The following PDE4D variants were observed in gnomAD, a reference collection of about 807,000 sequenced individuals.
PDE4D encodes the protein phosphodiesterase 4D.
In PDE4D, 24 loss-of-function variants were observed where a neutral mutation model predicts 87.4. The observed-to-expected ratio is 0.27, with a 90% CI of 0.20 to 0.39. The LOEUF (loss-of-function observed/expected upper bound fraction) is 0.39. Ranked by LOEUF, PDE4D falls within the 10% of genes least tolerant of loss-of-function variation. PDE4D has a pLI of 1.00. For synonymous variants in PDE4D, 384 were observed against 383.2 expected, an observed-to-expected ratio of 1.00 and a Z score of -0.02; for missense variants, 714 against 1,041.0, an observed-to-expected ratio of 0.69 and a Z score of 4.32.
At chr5:59,874,536 G>GT (rs1161653634) in intron 1 of PDE4D, among the ~76,000 whole-genome samples, 2 of 151,808 alleles carry the variant, frequency 1.3e-5, no homozygotes, top group African/African-American at 4.8e-5. Context: ...ATAGACCTGT[G>GT]TTTCTTTACT....
intron 2 of PDE4D, among the ~76,000 whole-genome samples, chr5:60,047,010 G>T (rs958431509): frequency 1.3e-5 from 2 of 152,086 alleles, no homozygotes; most frequent in African/African-American, 2.4e-5. Context: ...ACTCTTTTTG[G>T]TTGGTAAGCT....
intron 1 of PDE4D, among the ~76,000 whole-genome samples, chr5:59,529,445 G>C (rs541392634): frequency 3.9e-5 from 6 of 152,244 alleles, no homozygotes; most frequent in African/African-American, 1.4e-4. Flanking sequence ...CAATGACACA[G>C]AGCCAGCCAA....
At chr5:59,091,367 A>G (rs1768700321) in intron 5 of PDE4D, among the ~76,000 whole-genome samples, 1 of 151,564 alleles carries the variant, frequency 6.6e-6, no homozygotes, top group Admixed American at 6.6e-5. Flanking sequence ...ATATTTCCAA[A>G]CTGGATATGT....
chr5:59,277,882 C>T (rs1035424913), intron 1 of PDE4D, among the ~76,000 whole-genome samples: 3 of 152,142 alleles, frequency 2.0e-5, no homozygotes, highest in South Asian at 2.1e-4. Flanking sequence ...GAAAACCTAA[C>T]ACACTTATTG....
chr5:59,025,925 A>C (rs1190364528), intron 6 of PDE4D, among the ~76,000 whole-genome samples: 1 of 152,220 alleles, frequency 6.6e-6, no homozygotes, highest in South Asian at 2.1e-4. Flanking sequence ...ACTGCTTGTC[A>C]GTAATAAAAG....
rs1561935099 is a variant in PDE4D, at chr5:59,977,293, C to A, written c.272+11195G>T. Among the ~76,000 whole-genome samples the A allele has an allele frequency of 2.0e-5, 3 of 152,168 alleles. No individual in the cohort carries two copies. The South Asian group carries it at 6.2e-4, about 31-fold the overall frequency. On this transcript the variant is annotated intron_variant, in intron 3 of 16. Coordinates refer to the PDE4D transcript ENST00000502484. ...AGAAATGACAAGAAAGCCAAACAGCCTTATTGATAATGTGGAGAAAACTTC... is the reference window on the plus strand; with the variant it reads ...AGAAATGACAAGAAAGCCAAACAGCATTATTGATAATGTGGAGAAAACTTC...
intron 2 of PDE4D, among the ~76,000 whole-genome samples, chr5:60,126,502 A>G (rs1250340097): frequency 1.3e-5 from 2 of 152,218 alleles, no homozygotes; most frequent in Non-Finnish European, 2.9e-5. Context: ...TGAAATGGGA[A>G]TAAATTAACT....
At chr5:59,028,575 C>T (rs988637759) in intron 6 of PDE4D, among the ~76,000 whole-genome samples, 1 of 151,354 alleles carries the variant, frequency 6.6e-6, no homozygotes, top group Non-Finnish European at 1.5e-5. Context: ...CAGAAGGCAA[C>T]GTGGCCCAAT....
At chr5:60,192,549 A>G (rs1044944349) in intron 1 of PDE4D, among the ~76,000 whole-genome samples, 1 of 152,222 alleles carries the variant, frequency 6.6e-6, no homozygotes, top group African/African-American at 2.4e-5. Context: ...GCTAAATAAA[A>G]TATGAGAACC....
At chr5:59,544,987 G>C (rs1817012673) in intron 1 of PDE4D, among the ~76,000 whole-genome samples, 1 of 152,140 alleles carries the variant, frequency 6.6e-6, no homozygotes, top group East Asian at 1.9e-4. Flanking sequence ...ATTACTCAGA[G>C]TACTGATTTT....
intron 2 of PDE4D, among the ~76,000 whole-genome samples, chr5:60,081,146 G>A (rs189085460): frequency 1.5e-3 from 231 of 151,896 alleles, no homozygotes; most frequent in African/African-American, 5.3e-3. Context: ...ATTTCTTCTA[G>A]ATTTTCTAGT....
chr5:59,734,072 A>C (rs1290038896), intron 1 of PDE4D, among the ~76,000 whole-genome samples: 3 of 151,874 alleles, frequency 2.0e-5, no homozygotes, highest in Non-Finnish European at 2.9e-5. Flanking sequence ...GGTCTGATGT[A>C]AAAAAAATTC....
chr5:60,269,654 T>G (rs1431213241), intron 1 of PDE4D, among the ~76,000 whole-genome samples: 1 of 152,210 alleles, frequency 6.6e-6, no homozygotes, highest in East Asian at 1.9e-4. Flanking sequence ...TGACTGCAAT[T>G]AATAAAATGT....
chr5:60,358,722 G>A (rs901696362), intron 1 of PDE4D, among the ~76,000 whole-genome samples: 10 of 152,134 alleles, frequency 6.6e-5, no homozygotes, highest in South Asian at 4.1e-4. Context: ...TTAATTTTGC[G>A]CATTATTTAA....
intron 1 of PDE4D, among the ~76,000 whole-genome samples, chr5:60,386,943 G>T (rs1762232642): frequency 1.4e-5 from 2 of 146,828 alleles, no homozygotes; most frequent in Non-Finnish European, 2.9e-5. Context: ...AAACTAAATT[G>T]CCTTCAGTCC....
intron 1 of PDE4D, among the ~76,000 whole-genome samples, chr5:59,321,031 T>C (rs1774637727): frequency 6.6e-6 from 1 of 152,138 alleles, no homozygotes; most frequent in Non-Finnish European, 1.5e-5. Flanking sequence ...AGAAATCCAA[T>C]GATTTCCTGC....
chr5:60,206,486 G>A (rs1742540610), intron 1 of PDE4D, among the ~76,000 whole-genome samples: 1 of 152,082 alleles, frequency 6.6e-6, no homozygotes, highest in South Asian at 2.1e-4. Flanking sequence ...TTTGCTTTTT[G>A]AAGATGCATA....
At position 59,565,694 on chromosome 5, in the gene PDE4D, C is replaced by T. The variant is rs1200585422; in HGVS notation, c.455+327474G>A. On this transcript the variant is annotated intron_variant, in intron 1 of 14. Transcript: ENST00000340635. ...GCTCCTTGGCTTCAAGTACAGATGG[C>T]AAAGCAACTGGGCAAGGAAGTCCCT... Among the ~76,000 whole-genome samples the T allele has an allele frequency of 2.0e-5, 3 of 152,150 alleles. No homozygotes were observed. In the South Asian group the frequency reaches 6.2e-4, roughly 32 times the overall value.
At chr5:60,069,080 A>C (rs12655292) in intron 2 of PDE4D, among the ~76,000 whole-genome samples, 44,340 of 152,014 alleles carry the variant, frequency 0.29, 7,234 homozygotes, top group East Asian at 0.74. Flanking sequence ...CCAGTTTTCC[A>C]AGTACCATTT....
Sources: gnomAD v4.1 joint callset for allele counts (sites outside exome capture counted in the v4.1 genomes callset) on GRCh38, gnomAD v4.1.1 for gene constraint, MANE v1.5 for transcripts, NCBI Gene and HGNC (gene_info 2026-07-23, HGNC 2026-07-21) for gene names.